DSE: variants seen among roughly 807,000 people sequenced by gnomAD.
DSE encodes dermatan sulfate epimerase.
DSE carries 36 observed loss-of-function variants against 84.4 expected under a neutral mutation model. That is an observed-to-expected ratio of 0.43 (90% CI 0.33 to 0.56). The LOEUF (loss-of-function observed/expected upper bound fraction) is 0.56, where lower values mean the gene tolerates loss of function less well. Ranked by LOEUF, DSE falls within the 20% of genes least tolerant of loss-of-function variation. The pLI is 0.06. For missense variants in DSE, 862 were observed against 1,169.6 expected, an observed-to-expected ratio of 0.74 and a Z score of 3.84; for synonymous variants, 410 against 430.1, an observed-to-expected ratio of 0.95 and a Z score of 0.58.
intron 2 of DSE, among the ~76,000 whole-genome samples, chr6:116,404,316 T>C (rs755234548): frequency 3.9e-5 from 6 of 152,224 alleles, no homozygotes; most frequent in Non-Finnish European, 8.8e-5. Flanking sequence ...TATGGGAAGA[T>C]GAATGCATTT....
intron 2 of DSE, among the ~76,000 whole-genome samples, chr6:116,349,724 C>G (rs1328766207): frequency 2.6e-5 from 4 of 152,178 alleles, no homozygotes; most frequent in Non-Finnish European, 5.9e-5. Flanking sequence ...TATAAAACCT[C>G]TGTCCTTACT....
intron 2 of DSE, among the ~76,000 whole-genome samples, chr6:116,295,754 G>A (rs895797538): frequency 6.6e-6 from 1 of 152,114 alleles, no homozygotes; most frequent in East Asian, 1.9e-4. Flanking sequence ...AAAGAAAATT[G>A]CAAGATGTCA....
At chr6:116,354,637 T>A (rs765114860) in intron 2 of DSE, among the ~76,000 whole-genome samples, 6 of 152,316 alleles carry the variant, frequency 3.9e-5, no homozygotes, top group Middle Eastern at 3.4e-3. Flanking sequence ...ATGGGTCTAA[T>A]CTGAAAACAG....
intron 2 of DSE, among the ~76,000 whole-genome samples, chr6:116,360,439 T>A (rs1452123447): frequency 6.6e-6 from 1 of 152,260 alleles, no homozygotes; most frequent in Non-Finnish European, 1.5e-5. Context: ...ATTTCATTTG[T>A]AATTTCCTGG....
At chr6:116,434,857 C>T (rs1784054072) in intron 5 of DSE, among the ~76,000 whole-genome samples, 2 of 152,114 alleles carry the variant, frequency 1.3e-5, no homozygotes, top group South Asian at 4.1e-4. Flanking sequence ...GTACATAGTG[C>T]TAATAATAAA....
rs1421707509 is a variant in DSE, at chr6:116,393,569, A to G, written c.-53-5629A>G. Among the ~76,000 whole-genome samples, 17 of 152,310 alleles carry G rather than the reference A, an allele frequency of 1.1e-4. No homozygotes were observed. In the East Asian group the frequency reaches 3.1e-3, roughly 28 times the overall value. On this transcript the variant is annotated intron_variant, in intron 1 of 5. Coordinates refer to ENST00000644252, the MANE Select transcript of DSE (RefSeq NM_013352.4). Reference sequence around the variant, plus strand: ...TATGCTAAGTGCATCACACATGTCTAATCACCCCATGAAGCATATTTCATT... The same window carrying G: ...TATGCTAAGTGCATCACACATGTCTGATCACCCCATGAAGCATATTTCATT...
intron 2 of DSE, among the ~76,000 whole-genome samples, chr6:116,272,801 T>G (rs1332158003): frequency 6.6e-6 from 1 of 152,244 alleles, no homozygotes; most frequent in Admixed American, 6.5e-5. Context: ...GATGACTATT[T>G]GTCTGAATGT....
chr6:116,322,174 A>G (rs904321335), intron 2 of DSE, among the ~76,000 whole-genome samples: 1 of 151,888 alleles, frequency 6.6e-6, no homozygotes, highest in African/African-American at 2.4e-5. Flanking sequence ...AGAACAAAAC[A>G]GGATAGGGAT....
At chr6:116,291,234 TA>T (rs1774262466) in intron 2 of DSE, among the ~76,000 whole-genome samples, 1 of 152,126 alleles carries the variant, frequency 6.6e-6, no homozygotes, top group Non-Finnish European at 1.5e-5. Context: ...ATAATTATAA[TA>T]CTAGGAGAGT....
chr6:116,329,673 AAC>A (rs1776823339), intron 2 of DSE, among the ~76,000 whole-genome samples: 1 of 152,232 alleles, frequency 6.6e-6, no homozygotes, highest in Non-Finnish European at 1.5e-5. Context: ...GAGTGATGTC[AAC>A]ACATCTGACC....
intron 2 of DSE, among the ~76,000 whole-genome samples, chr6:116,420,873 CAA>C (rs1783028454): frequency 2.6e-5 from 4 of 152,142 alleles, no homozygotes; most frequent in African/African-American, 4.8e-5. Context: ...GTTATTTAAT[CAA>C]ATAAACTGTC....
intron 1 of DSE, among the ~76,000 whole-genome samples, chr6:116,389,047 G>A (rs1234342474): frequency 3.3e-5 from 5 of 152,208 alleles, no homozygotes; most frequent in African/African-American, 1.2e-4. Context: ...CTGAGTGATA[G>A]TTTTGTGAGC....
intron 2 of DSE, among the ~76,000 whole-genome samples, chr6:116,353,057 G>T (rs1463338891): frequency 6.6e-6 from 1 of 152,140 alleles, no homozygotes; most frequent in Middle Eastern, 3.2e-3. Context: ...GGTCATAAGT[G>T]GTTGGGCTTC....
At chr6:116,432,936 A>T (rs1477962416) in intron 4 of DSE, 2 of 181,740 alleles carry the variant, frequency 1.1e-5, no homozygotes, top group East Asian at 1.5e-4. Flanking sequence ...TTATTTTATT[A>T]TCTTGGCCTA....
chr6:116,396,362 G>T (rs935243322), intron 1 of DSE, among the ~76,000 whole-genome samples: 5 of 152,176 alleles, frequency 3.3e-5, no homozygotes, highest in Admixed American at 6.5e-5. Context: ...AGAGCACTGG[G>T]GGCTGAGCAC....
chr6:116,353,135 A>G (rs1287073886), intron 2 of DSE, among the ~76,000 whole-genome samples: 1 of 152,182 alleles, frequency 6.6e-6, no homozygotes, highest in Non-Finnish European at 1.5e-5. Context: ...TATAGTTAAA[A>G]TATACATAGG....
At chr6:116,430,142 T>G (rs1443249694) in intron 3 of DSE, among the ~76,000 whole-genome samples, 1 of 152,206 alleles carries the variant, frequency 6.6e-6, no homozygotes, top group South Asian at 2.1e-4. Context: ...TTTTGGCAGA[T>G]TCAGGATTCC....
chr6:116,264,716 A>G (rs956307320), intron 2 of DSE, among the ~76,000 whole-genome samples: 15 of 151,906 alleles, frequency 9.9e-5, no homozygotes, highest in Middle Eastern at 3.2e-3. Flanking sequence ...TGTTCCTTCA[A>G]TCTTTGAGGT....
chr6:116,261,800 C>T (rs192371609), intron 2 of DSE, among the ~76,000 whole-genome samples: 135 of 152,256 alleles, frequency 8.9e-4, no homozygotes, highest in African/African-American at 3.2e-3. Flanking sequence ...GAGTTTTTAA[C>T]ATGAAGGAGT....
Sources: allele counts gnomAD v4.1 joint callset (sites outside exome capture counted in the v4.1 genomes callset), GRCh38; gene constraint gnomAD v4.1.1; transcripts MANE v1.5; gene names NCBI Gene and HGNC (gene_info 2026-07-23, HGNC 2026-07-21).